The following IQCH variants were observed in gnomAD, a reference collection of about 807,000 sequenced individuals.
IQCH encodes IQ domain-containing protein H.
IQCH carries 98 observed loss-of-function variants against 117.0 expected under a neutral mutation model. That is an observed-to-expected ratio of 0.84 (90% CI 0.71 to 0.99). The LOEUF (loss-of-function observed/expected upper bound fraction) is 0.99, where lower values mean the gene tolerates loss of function less well. IQCH is among the 50% of genes least tolerant of loss of function. The probability of loss-of-function intolerance (pLI) is 0.00; values close to 1 mark genes in which losing one functional copy is unlikely to be tolerated. For missense variants in IQCH, 1,102 were observed against 1,243.8 expected (o/e 0.89, Z 1.72); for synonymous variants, 412 against 448.2 (o/e 0.92, Z 1.02).
At chr15:67,255,913 CAT>C (rs138457422) in intron 1 of IQCH, among the ~76,000 whole-genome samples, 399 of 152,276 alleles carry the variant, frequency 2.6e-3, no homozygotes, top group Middle Eastern at 0.01. Context: ...TCACTTTCAC[CAT>C]CACGCAGCAA....
At position 67,494,376 on chromosome 15, in the gene IQCH, T is replaced by G; in HGVS notation, c.2970+10T>G. 1,041 of 1,554,196 alleles carry G rather than the reference T, an allele frequency of 6.7e-4. No individual in the cohort carries two copies. The highest frequency in any genetic ancestry group is 8.5e-4 in the Non-Finnish European group (956 of 1,129,122). ...CGAGACCAATTTTAAGGTGAGGTGT[T>G]AATTAACTAACGATTCTGGTTAATT... On this transcript the variant is annotated intron_variant, in intron 20 of 20. Transcript: ENST00000335894. The surrounding 1 kb of genome is among the most constrained non-coding windows in gnomAD (Gnocchi z 5.5).
intron 4 of IQCH, 61 bp from the exon 5 acceptor site, chr15:67,336,914 G>A (rs1488130683): frequency 2.2e-5 from 34 of 1,540,444 alleles, no homozygotes; most frequent in Non-Finnish European, 2.5e-5. Flanking sequence ...TTGTTTACAA[G>A]AAGAAAACTG....
In IQCH at chr15:67,304,923, C is replaced by A. The variant is rs543568516; in HGVS notation, c.387+25411C>A. Reference sequence around the variant, plus strand: ...AGCAGGGACTAAGCCTTTATGTCAGCAAAATAGTGAGAGGGAAAAATAGTC... The same window carrying A: ...AGCAGGGACTAAGCCTTTATGTCAGAAAAATAGTGAGAGGGAAAAATAGTC... On this transcript the variant is annotated intron_variant, in intron 4 of 20. Transcript: ENST00000335894. Among the ~76,000 whole-genome samples, 144 of 152,026 alleles carry A rather than the reference C, an allele frequency of 9.5e-4. 1 individual carries two copies. The highest frequency in any genetic ancestry group is 3.4e-3 in the Middle Eastern group (1 of 294).
At position 67,441,122 on chromosome 15, in the gene IQCH, C is replaced by CA. The variant is rs200254535; in HGVS notation, c.2505+19576dup. On this transcript the variant is annotated intron_variant, in intron 16 of 20. Transcript: ENST00000335894. The stretch of plus-strand genomic sequence containing the variant: ...AACTCAACTCCTTTTGCAATAGCTG[C>CA]AAAAAAAAAAAAAAAAAAAAAAAAA... 3.4e-3 allele frequency among the ~76,000 whole-genome samples: 182 copies of CA among 53,978 alleles called. 25 individuals carry two copies. The highest frequency in any genetic ancestry group is 0.011 in the African/African-American group (152 of 14,080). The allele number at this position is 53,978 out of a possible 152,430, so 35.4% of individuals were successfully genotyped here. A position where few individuals can be genotyped will look rare whatever the true frequency, so the allele number is the denominator to read the frequency against.
intron 16 of IQCH, among the ~76,000 whole-genome samples, chr15:67,449,173 T>C (rs1363975544): frequency 6.6e-6 from 1 of 152,034 alleles, no homozygotes; most frequent in African/African-American, 2.4e-5. Flanking sequence ...ATTCTGTAGG[T>C]TGCCTGTTCA....
At chr15:67,304,313 A>G (rs1403510647) in intron 4 of IQCH, 2 of 1,241,888 alleles carry the variant, frequency 1.6e-6, no homozygotes, top group African/African-American at 1.5e-5. Context: ...ATCCAGCATG[A>G]AAGTTTCATT....
At position 67,494,847 on chromosome 15, in the gene IQCH, A is replaced by G. The variant is rs2083762862; in HGVS notation, c.2970+481A>G. Among the ~76,000 whole-genome samples, 1 of 152,086 alleles carries G rather than the reference A, an allele frequency of 6.6e-6. No homozygotes were observed. The highest frequency in any genetic ancestry group is 6.6e-5 in the Admixed American group (1 of 15,266). On this transcript the variant is annotated intron_variant, in intron 20 of 20. Coordinates refer to ENST00000335894, the MANE Select transcript of IQCH (RefSeq NM_001031715.3). This position sits in a 1 kb window ranked among gnomAD's most constrained non-coding sequence, Gnocchi z 5.5. ...AATATAGCATGTATGTGGGCCATCT[A>G]CCCCACCCGTTTCTCCACCGTGGGT...
intron 12 of IQCH, among the ~76,000 whole-genome samples, chr15:67,394,565 T>C (rs1172518321): frequency 6.6e-6 from 1 of 152,184 alleles, no homozygotes; most frequent in Non-Finnish European, 1.5e-5. Context: ...TATGCTGTTT[T>C]CTCTGCCCCC....
rs181340040 is a variant in IQCH, at chr15:67,299,009, C to T, written c.387+19497C>T. On this transcript the variant is annotated intron_variant, in intron 4 of 20. Transcript: ENST00000335894. ...ATTCCCAATAGCCAAGATTTAGAAG[C>T]AACCTAAGTGTCCATCAACAGATGA... Among the ~76,000 whole-genome samples, 225 of 150,522 alleles carry T rather than the reference C, an allele frequency of 1.5e-3. 2 individuals are homozygous for T. The highest frequency in any genetic ancestry group is 4.4e-3 in the African/African-American group (178 of 40,884).
At chr15:67,293,502 G>A (rs1374306178) in intron 4 of IQCH, among the ~76,000 whole-genome samples, 1 of 152,090 alleles carries the variant, frequency 6.6e-6, no homozygotes, top group Non-Finnish European at 1.5e-5. Flanking sequence ...TTAATACCAT[G>A]TAAATGTTCT....
rs1178538813 is a variant in IQCH, at chr15:67,364,424, T to A, written c.753+4539T>A. Among the ~76,000 whole-genome samples the A allele has an allele frequency of 1.3e-5, 2 of 152,364 alleles. No individual in the cohort carries two copies. The highest frequency in any genetic ancestry group is 3.9e-4 in the East Asian group (2 of 5,194). Reference sequence around the variant, plus strand: ...TAGTTTTATTTGCCAAACAATTTTTTTGAAATTCTTGTGGAACAATTTTTC... The same window carrying A: ...TAGTTTTATTTGCCAAACAATTTTTATGAAATTCTTGTGGAACAATTTTTC... On this transcript the variant is annotated intron_variant, in intron 8 of 20. Transcript: ENST00000335894. The surrounding 1 kb of genome is among the most constrained non-coding windows in gnomAD (Gnocchi z 4.1).
intron 1 of IQCH, chr15:67,255,394 A>G (rs549555000): frequency 6.1e-6 from 1 of 162,768 alleles, no homozygotes; most frequent in East Asian, 1.8e-4. Context: ...TTTAGATCTA[A>G]ATGTTCCTCA....
chr15:67,301,886 A>T (rs1316425824), intron 4 of IQCH, among the ~76,000 whole-genome samples: 1 of 152,096 alleles, frequency 6.6e-6, no homozygotes, highest in African/African-American at 2.4e-5. Flanking sequence ...TTGCTTTCGA[A>T]CCCAACAATA....
In IQCH at chr15:67,479,622, A is replaced by G. The variant is rs2141059274; in HGVS notation, c.2799+3804A>G. ...AAAAAGTTTAACAATTAATTTCCCT[A>G]AAATTTTATTGCCTGTTTGGGTTAT... is the stretch of plus-strand genomic sequence containing the variant. On this transcript the variant is annotated intron_variant, in intron 18 of 20. Transcript: ENST00000335894. The surrounding 1 kb of genome is among the most constrained non-coding windows in gnomAD (Gnocchi z 4.6). 6.6e-6 allele frequency among the ~76,000 whole-genome samples: 1 copy of G among 152,364 alleles called. No individual in the cohort carries two copies. The highest frequency in any genetic ancestry group is 1.5e-5 in the Non-Finnish European group (1 of 68,036).
intron 16 of IQCH, among the ~76,000 whole-genome samples, chr15:67,442,599 G>A (rs2082298362): frequency 6.6e-6 from 1 of 152,042 alleles, no homozygotes; most frequent in African/African-American, 2.4e-5. Flanking sequence ...AACTAGTACA[G>A]CCACTATGGA....
intron 10 of IQCH, among the ~76,000 whole-genome samples, chr15:67,375,391 A>G (rs931613053): frequency 1.3e-5 from 2 of 152,188 alleles, no homozygotes; most frequent in African/African-American, 4.8e-5. Flanking sequence ...ATCCCACTGC[A>G]TTCCAGCCTG....
intron 5 of IQCH, among the ~76,000 whole-genome samples, chr15:67,341,999 A>T (rs1177051005): frequency 6.6e-6 from 1 of 152,114 alleles, no homozygotes; most frequent in Non-Finnish European, 1.5e-5. Flanking sequence ...CACCTGGCAC[A>T]GTGGCTCACA....
chr15:67,265,640 C>T (rs901699246), intron 3 of IQCH, among the ~76,000 whole-genome samples: 5 of 152,110 alleles, frequency 3.3e-5, no homozygotes, highest in Non-Finnish European at 5.9e-5. Flanking sequence ...AAAGTCACAG[C>T]GTGTGACTCA....
In IQCH at chr15:67,411,123, G is replaced by C. The variant is rs1272139695; in HGVS notation, c.2098-5808G>C. 6.6e-6 allele frequency among the ~76,000 whole-genome samples: 1 copy of C among 152,092 alleles called. No homozygotes were observed. The highest frequency in any genetic ancestry group is 1.5e-5 in the Non-Finnish European group (1 of 68,018). On this transcript the variant is annotated intron_variant, in intron 14 of 20. Coordinates refer to ENST00000335894, the MANE Select transcript of IQCH (RefSeq NM_001031715.3). This position sits in a 1 kb window ranked among gnomAD's most constrained non-coding sequence, Gnocchi z 4.4. The stretch of plus-strand genomic sequence containing the variant: ...CTAAAAAGTGACTAAAATGTATCCT[G>C]TGCACACGGAGGCAGCCCTTCTAAA...
Sources: gnomAD v4.1 joint callset for allele counts (sites outside exome capture counted in the v4.1 genomes callset) on GRCh38, gnomAD v4.1.1 for gene constraint, Gnocchi (gnomAD v3.1) non-coding constraint, MANE v1.5 for transcripts, NCBI Gene and HGNC (gene_info 2026-07-23, HGNC 2026-07-21) for gene names.